SRP54: variants seen among roughly 807,000 people sequenced by gnomAD.
The protein encoded by SRP54 is signal recognition particle subunit SRP54.
Under a neutral mutation model 64.8 loss-of-function variants are expected in SRP54, and 10 were observed. The observed-to-expected ratio is 0.15, with a 90% CI of 0.10 to 0.26. The LOEUF is 0.26. Ranked by LOEUF, SRP54 falls within the 10% of genes least tolerant of loss-of-function variation. The pLI, the probability that SRP54 is intolerant of heterozygous loss-of-function variation, is 1.00. For missense variants in SRP54, 325 were observed against 613.7 expected, an observed-to-expected ratio of 0.53 and a Z score of 4.97; for synonymous variants, 193 against 185.6, an observed-to-expected ratio of 1.04 and a Z score of -0.32.
chr14:34,999,327 T>C (rs1332078628), intron 2 of SRP54, among the ~76,000 whole-genome samples: 2 of 152,156 alleles, frequency 1.3e-5, no homozygotes, highest in African/African-American at 4.8e-5. Context: ...TAATTACTTT[T>C]ATATAGGAAT....
rs376712278 is a variant in SRP54, at chr14:35,014,290, T to TTTTTTTTTTTTTTTTTTTTTTTG, written c.886+392_886+393insTTTTTTTTTTTTTTTTTTGTTTT. ...TGCCACTTAACTTTTTTTTTTTTTTTTTTTGAGACGGAGTTTCGCTCTTGT... is the reference window on the plus strand; with the variant it reads ...TGCCACTTAACTTTTTTTTTTTTTTTTTTTTTTTTTTTTTTTTTTTTTGTTTTGAGACGGAGTTTCGCTCTTGT... On this transcript the variant is annotated intron_variant, in intron 10 of 15. Coordinates refer to ENST00000216774, the MANE Select transcript of SRP54 (RefSeq NM_003136.4). 1.1e-3 allele frequency among the ~76,000 whole-genome samples: 137 copies of TTTTTTTTTTTTTTTTTTTTTTTG among 127,280 alleles called. 4 individuals carry two copies. Among genetic ancestry groups the TTTTTTTTTTTTTTTTTTTTTTTG allele is most frequent in the African/African-American group, 3.6e-3 (125 of 34,294 alleles). 83.5% of individuals were successfully genotyped at this position (127,280 alleles called of 152,430 possible). A position where few individuals can be genotyped will look rare whatever the true frequency, so the allele number is the denominator to read the frequency against.
rs1468054181 is a variant in SRP54 at position 35,019,128 on chromosome 14, T to C, written c.1156+54T>C. 1.5e-5 allele frequency: 19 copies of C among 1,242,606 alleles called. No homozygotes were observed. The African/African-American group carries it at 2.1e-4, about 14-fold the overall frequency. The allele number at this position is 1,242,606 out of a possible 1,614,324, so 77.0% of individuals were successfully genotyped here. A position where few individuals can be genotyped will look rare whatever the true frequency, so the allele number is the denominator to read the frequency against. On this transcript the variant is annotated intron_variant, in intron 13 of 15. Coordinates refer to ENST00000216774, the MANE Select transcript of SRP54 (RefSeq NM_003136.4). ...AAAAATGTTCTGAGTATCAGTAAGA[T>C]GAGAGTTTCACTGTATTCTTGTGGA...
chr14:34,985,334 T>TC (rs1393810157), intron 1 of SRP54, among the ~76,000 whole-genome samples: 3 of 152,260 alleles, frequency 2.0e-5, no homozygotes, highest in African/African-American at 4.8e-5. Flanking sequence ...CCTCTGACTT[T>TC]CAAACCACCT....
intron 15 of SRP54, 127 bp downstream of exon 15, chr14:35,028,310 C>A: frequency 1.8e-6 from 1 of 561,800 alleles, no homozygotes; most frequent in Non-Finnish European, 3.1e-6. Flanking sequence ...GGGAAATGGT[C>A]ATCTGAATCC....
chr14:34,985,611 C>A (rs1203849032), intron 1 of SRP54, among the ~76,000 whole-genome samples: 2 of 152,128 alleles, frequency 1.3e-5, no homozygotes, highest in South Asian at 2.1e-4. Flanking sequence ...GTATTTGTTA[C>A]ACTGTATCTA....
chr14:34,997,454 T>G (rs181476097), intron 2 of SRP54, among the ~76,000 whole-genome samples: 1 of 152,322 alleles, frequency 6.6e-6, no homozygotes, highest in East Asian at 1.9e-4. Context: ...CTGAATTTGG[T>G]GTTAGAAGAC....
At chr14:35,009,689 A>G (rs548615630) in intron 7 of SRP54, among the ~76,000 whole-genome samples, 2 of 152,232 alleles carry the variant, frequency 1.3e-5, no homozygotes, top group South Asian at 4.1e-4. Flanking sequence ...TCAAAGAAGA[A>G]ACATTTATGT....
chr14:35,013,648 G>A (rs2044389704), intron 9 of SRP54, among the ~76,000 whole-genome samples, 154 bp downstream of exon 9: 1 of 152,218 alleles, frequency 6.6e-6, no homozygotes, highest in African/African-American at 2.4e-5. Context: ...TTTGGAGCCT[G>A]TCTGATATAG....
At chr14:35,013,291 G>A in intron 8 of SRP54, 55 bp from the exon 9 acceptor site, 1 of 1,500,066 alleles carries the variant, frequency 6.7e-7, no homozygotes, top group Non-Finnish European at 9.2e-7. Context: ...GATGACATTT[G>A]CTTAGGATCA....
At chr14:35,019,129 G>C (rs960954550) in intron 13 of SRP54, 55 bp downstream of exon 13, 19 of 1,238,184 alleles carry the variant, frequency 1.5e-5, no homozygotes, top group Middle Eastern at 2.1e-4. Context: ...TCAGTAAGAT[G>C]AGAGTTTCAC....
intron 2 of SRP54, among the ~76,000 whole-genome samples, chr14:34,998,965 TTGTGTGTATGTGTGTGTGTGTG>T (rs2044118969): frequency 2.5e-5 from 3 of 121,774 alleles, no homozygotes; most frequent in Non-Finnish European, 5.6e-5. Flanking sequence ...TATTATTACT[TTGTGTGTATGTGTGTGTGTGTG>T]TGTGTGTGTG....
intron 11 of SRP54, among the ~76,000 whole-genome samples, chr14:35,015,828 C>T (rs182842147): frequency 5.6e-4 from 86 of 152,324 alleles, no homozygotes; most frequent in African/African-American, 1.8e-3. Context: ...TGGTGTTTCT[C>T]AGGGATCATT....
rs755898787 is a variant in SRP54 at position 35,011,668 on chromosome 14, C to T, written c.636+9C>T. The T allele has an allele frequency of 1.3e-5, 19 of 1,519,142 alleles. No individual in the cohort carries two copies. The highest frequency in any genetic ancestry group is 2.8e-5 in the African/African-American group (2 of 72,576). 94.1% of individuals were successfully genotyped at this position (1,519,142 alleles called of 1,614,324 possible). A position where few individuals can be genotyped will look rare whatever the true frequency, so the allele number is the denominator to read the frequency against. The stretch of plus-strand genomic sequence containing the variant: ...AAGTTGCTAATGCTATAGTAAGTAG[C>T]TTTCAATGTAACACTATTATTAGGA... On this transcript the variant is annotated intron_variant, in intron 8 of 15. Transcript: ENST00000216774.
chr14:35,018,158 C>A (rs762198446), intron 11 of SRP54, among the ~76,000 whole-genome samples: 3 of 152,130 alleles, frequency 2.0e-5, no homozygotes, highest in Non-Finnish European at 4.4e-5. Context: ...TTTTCTTTGA[C>A]TAAGCATATT....
At chr14:35,019,215 G>T in intron 13 of SRP54, 141 bp downstream of exon 13, 2 of 605,424 alleles carry the variant, frequency 3.3e-6, no homozygotes, top group Admixed American at 2.8e-5. Context: ...TAGCTTGAAA[G>T]CTCTTACTCA....
chr14:35,016,041 T>C (rs1348328945), intron 11 of SRP54, among the ~76,000 whole-genome samples: 2 of 152,234 alleles, frequency 1.3e-5, no homozygotes, highest in South Asian at 2.1e-4. Flanking sequence ...TCTTCCTCAC[T>C]CTGCCCACTC....
At chr14:35,021,726 A>C (rs1437864946) in intron 13 of SRP54, among the ~76,000 whole-genome samples, 1 of 152,236 alleles carries the variant, frequency 6.6e-6, no homozygotes, top group East Asian at 1.9e-4. Context: ...AATGGATTTC[A>C]ATTTAATATG....
intron 11 of SRP54, among the ~76,000 whole-genome samples, chr14:35,016,840 C>CTTTCTTTT (rs2044447775): frequency 1.4e-5 from 1 of 71,616 alleles, no homozygotes; most frequent in Non-Finnish European, 3.0e-5. Context: ...CCTTTTTTTT[C>CTTTCTTTT]TTTTCTTTTT....
chr14:35,020,362 A>G (rs1186611855), intron 13 of SRP54, among the ~76,000 whole-genome samples: 3 of 152,172 alleles, frequency 2.0e-5, no homozygotes, highest in South Asian at 4.1e-4. Context: ...CTTAAAACAC[A>G]AGAATGAAAT....
Sources: gnomAD v4.1 joint callset for allele counts (sites outside exome capture counted in the v4.1 genomes callset) on GRCh38, gnomAD v4.1.1 for gene constraint, MANE v1.5 for transcripts, NCBI Gene and HGNC (gene_info 2026-07-23, HGNC 2026-07-21) for gene names.